ZNF469: variants seen among roughly 807,000 people sequenced by gnomAD.
The protein encoded by ZNF469 is zinc finger protein 469.
Under a neutral mutation model 1.0 loss-of-function variants are expected in ZNF469, and 1 was observed. That is an observed-to-expected ratio of 1.00 (90% CI 0.35 to 4.73). ZNF469 has a LOEUF of 4.73. ZNF469 is among the 30% of genes most tolerant of loss of function. The probability of loss-of-function intolerance (pLI) is 0.16; values close to 1 mark genes in which losing one functional copy is unlikely to be tolerated. For missense variants in ZNF469, 6,100 were observed against 5,356.3 expected (o/e 1.14, Z -4.33); for synonymous variants, 2,703 against 2,363.4 (o/e 1.14, Z -4.17).
At chr16:88,185,973 G>A in the ZNF469 span, among the ~76,000 whole-genome samples, 12 of 151,450 alleles carry the variant, frequency 7.9e-5, no homozygotes, top group Non-Finnish European at 8.8e-5. Flanking sequence ...ATACACACTC[G>A]TGCCCAGACA....
At chr16:88,177,962 C>T in the ZNF469 span, 1 of 152,296 alleles carries the variant, frequency 6.6e-6, no homozygotes, top group Admixed American at 6.5e-5. The surrounding 1 kb of genome is among the most constrained non-coding windows in gnomAD (Gnocchi z 4.8). Flanking sequence ...CCACCCGCCT[C>T]AGTCTCCCAA....
chr16:88,112,049 C>T, the ZNF469 span, among the ~76,000 whole-genome samples: 9 of 152,314 alleles, frequency 5.9e-5, no homozygotes, highest in African/African-American at 1.7e-4. Flanking sequence ...AATAGTACTA[C>T]GTTGTGTACG....
the ZNF469 span, among the ~76,000 whole-genome samples, chr16:88,118,669 C>T: frequency 3.3e-5 from 5 of 152,212 alleles, no homozygotes; most frequent in East Asian, 9.6e-4. Flanking sequence ...TCTACGGCTT[C>T]CTTAGCAGAG....
chr16:88,404,592 A>G (rs1203446589), intron 1 of ZNF469, among the ~76,000 whole-genome samples: 1 of 152,166 alleles, frequency 6.6e-6, no homozygotes, highest in African/African-American at 2.4e-5. Context: ...GGCCTTGGAA[A>G]GGTGGAAGGC....
At chr16:88,417,390 G>C (rs1034013721) in intron 1 of ZNF469, among the ~76,000 whole-genome samples, 43 of 152,320 alleles carry the variant, frequency 2.8e-4, no homozygotes, top group African/African-American at 1.0e-3. Flanking sequence ...GGATTTTAAA[G>C]TGGGTTCTGG....
chr16:88,215,383 ATTTTTT>A, the ZNF469 span, among the ~76,000 whole-genome samples: 2 of 94,188 alleles, frequency 2.1e-5, no homozygotes, highest in Non-Finnish European at 3.8e-5. Flanking sequence ...TTGCCTTTTA[ATTTTTT>A]TTTTTTTTTT....
chr16:88,304,875 T>C, the ZNF469 span, among the ~76,000 whole-genome samples: 2 of 152,192 alleles, frequency 1.3e-5, no homozygotes, highest in African/African-American at 4.8e-5. Flanking sequence ...TGGAGGCCAG[T>C]GGACTTGCTT....
upstream of ZNF469, among the ~76,000 whole-genome samples, chr16:88,381,192 AC>A (rs1315952707): frequency 1.6e-5 from 2 of 124,820 alleles, no homozygotes; most frequent in Admixed American, 1.5e-4. Flanking sequence ...GCACTCACAC[AC>A]ATGCATTCAC....
At chr16:88,272,978 A>G in the ZNF469 span, among the ~76,000 whole-genome samples, 13 of 143,048 alleles carry the variant, frequency 9.1e-5, no homozygotes, top group African/African-American at 2.9e-4. Flanking sequence ...GAGTGGACGG[A>G]TGGATGAACG....
At chr16:88,165,045 C>G in the ZNF469 span, among the ~76,000 whole-genome samples, 53 of 152,364 alleles carry the variant, frequency 3.5e-4, no homozygotes, top group African/African-American at 1.3e-3. Flanking sequence ...GCCGATGATC[C>G]TGAGGGAGGG....
chr16:88,405,230 A>T (rs1347024336), intron 1 of ZNF469, among the ~76,000 whole-genome samples: 1 of 152,154 alleles, frequency 6.6e-6, no homozygotes, highest in Non-Finnish European at 1.5e-5. Context: ...GAGCAAGAGC[A>T]TCTGAGCCCT....
the ZNF469 span, among the ~76,000 whole-genome samples, chr16:88,238,640 A>G: frequency 6.6e-6 from 1 of 152,216 alleles, no homozygotes; most frequent in Non-Finnish European, 1.5e-5. Context: ...TAAAATGTAT[A>G]TATCTGAGAA....
At chr16:88,293,154 A>C in the ZNF469 span, among the ~76,000 whole-genome samples, 36 of 151,666 alleles carry the variant, frequency 2.4e-4, no homozygotes, top group African/African-American at 8.0e-4. Context: ...GGATGGATCA[A>C]TAGGTAGACA....
chr16:88,151,098 C>G, the ZNF469 span, among the ~76,000 whole-genome samples: 3 of 152,390 alleles, frequency 2.0e-5, no homozygotes, highest in African/African-American at 7.2e-5. The surrounding 1 kb of genome is among the most constrained non-coding windows in gnomAD (Gnocchi z 5.4). Flanking sequence ...CAGGGGGCAG[C>G]TTTCTGGGAC....
chr16:88,347,455 AGTGTC>A, the ZNF469 span, among the ~76,000 whole-genome samples: 1 of 150,880 alleles, frequency 6.6e-6, no homozygotes, highest in South Asian at 2.1e-4. Context: ...CGGAGGAGAC[AGTGTC>A]GCCAAGCCCA....
chr16:88,244,830 G>C, the ZNF469 span, among the ~76,000 whole-genome samples: 6 of 148,132 alleles, frequency 4.1e-5, no homozygotes, highest in African/African-American at 1.5e-4. Flanking sequence ...CAGTGGCATG[G>C]CTCAGAAAGT....
At chr16:88,380,599 GCACTCACA>G, upstream of ZNF469, among the ~76,000 whole-genome samples, 1 of 111,424 alleles carries the variant, frequency 9.0e-6, no homozygotes, top group East Asian at 2.8e-4. Context: ...TCACACACAT[GCACTCACA>G]CACGCACACA....
At chr16:88,235,840 G>C in the ZNF469 span, among the ~76,000 whole-genome samples, 1,857 of 152,264 alleles carry the variant, frequency 0.012, 29 homozygotes, top group African/African-American at 0.041. Context: ...GGGCCACAGT[G>C]TGAGCTCATA....
chr16:88,248,508 G>A, the ZNF469 span, among the ~76,000 whole-genome samples: 2 of 151,284 alleles, frequency 1.3e-5, no homozygotes, highest in African/African-American at 4.9e-5. Flanking sequence ...GACCAGCCTG[G>A]GCAAGATAGT....
Sources: allele counts gnomAD v4.1 joint callset (sites outside exome capture counted in the v4.1 genomes callset), GRCh38; gene constraint gnomAD v4.1.1; non-coding constraint Gnocchi (gnomAD v3.1); transcripts MANE v1.5; gene names NCBI Gene and HGNC (gene_info 2026-07-23, HGNC 2026-07-21).